Variants in UBE2G2 observed in about 807,000 individuals in gnomAD.
UBE2G2 encodes ubiquitin conjugating enzyme E2 G2, also known as ubiquitin-conjugating enzyme E2 G2.
Under a neutral mutation model 23.0 loss-of-function variants are expected in UBE2G2, and 10 were observed. The ratio of observed to expected loss-of-function variants is 0.43; its 90% confidence interval spans 0.27 to 0.74. UBE2G2 has a LOEUF of 0.74. Among genes scored for constraint, UBE2G2 ranks in the 30% least tolerant of loss-of-function variants. UBE2G2 has a pLI of 0.19. For missense variants in UBE2G2, 150 were observed against 218.3 expected, an observed-to-expected ratio of 0.69 and a Z score of 1.97; for synonymous variants, 86 against 81.3, an observed-to-expected ratio of 1.06 and a Z score of -0.31.
At chr21:44,800,487 T>C (rs1264480531) in intron 1 of UBE2G2, 7 of 152,248 alleles carry the variant, frequency 4.6e-5, no homozygotes, top group African/African-American at 9.6e-5. Context: ...TAAGTAACCT[T>C]GAGATGATTT....
intron 3 of UBE2G2, among the ~76,000 whole-genome samples, chr21:44,779,843 T>C (rs1235693050): frequency 2.0e-5 from 3 of 152,156 alleles, no homozygotes; most frequent in African/African-American, 7.2e-5. Flanking sequence ...TAGATCAATT[T>C]AGTATTAGAG....
rs146218752 is a variant in UBE2G2 at position 44,788,244 on chromosome 21, T to A, written c.44-149A>T. 2.5e-4 allele frequency: 172 copies of A among 688,164 alleles called. No homozygotes were observed. The East Asian group carries it at 4.7e-3, about 19-fold the overall frequency. 42.6% of individuals were successfully genotyped at this position (688,164 alleles called of 1,614,324 possible). On this transcript the variant is annotated intron_variant, in intron 1 of 5. Transcript: ENST00000345496. Reference sequence around the variant, plus strand: ...ATTCTGTTTGCCCAAAGTGAATACCTAGTACAATAACGGTTCTGATAACAA... The same window carrying A: ...ATTCTGTTTGCCCAAAGTGAATACCAAGTACAATAACGGTTCTGATAACAA...
At chr21:44,801,681 T>G (rs781954158) in intron 1 of UBE2G2, 25 bp downstream of exon 1, 65 of 1,508,478 alleles carry the variant, frequency 4.3e-5, no homozygotes, top group Non-Finnish European at 4.8e-5. Flanking sequence ...GGGACGCTGC[T>G]GACGGCCCGG....
chr21:44,801,589 G>A, intron 1 of UBE2G2, 117 bp downstream of exon 1: 1 of 1,329,748 alleles, frequency 7.5e-7, no homozygotes, highest in Non-Finnish European at 9.7e-7. Context: ...GGGGGCTCAC[G>A]GTGGAGGCCC....
chr21:44,796,504 T>C (rs1408553580), intron 1 of UBE2G2, among the ~76,000 whole-genome samples: 1 of 152,088 alleles, frequency 6.6e-6, no homozygotes, highest in Non-Finnish European at 1.5e-5. Flanking sequence ...AAACTAGATG[T>C]TAAGATACAC....
chr21:44,797,632 A>G (rs113244469), intron 1 of UBE2G2, among the ~76,000 whole-genome samples: 19,329 of 147,388 alleles, frequency 0.13, 1,412 homozygotes, highest in Middle Eastern at 0.22. Context: ...GGAGAATGGC[A>G]TGAACCCGGG....
Position 44,772,848 on chromosome 21 carries a change from T to C in UBE2G2, c.385+699A>G, listed in dbSNP as rs183905634. Among the ~76,000 whole-genome samples the C allele has an allele frequency of 7.9e-5, 12 of 152,268 alleles. No homozygotes were observed. In the East Asian group the frequency reaches 2.3e-3, roughly 29 times the overall value. ...TCTCTGTTTGTCTTCCATCACACTA[T>C]TGGTTACTGCTGCAAGGATGGCCCT... On this transcript the variant is annotated intron_variant, in intron 5 of 5. Coordinates refer to ENST00000345496, the MANE Select transcript of UBE2G2 (RefSeq NM_003343.6). The surrounding 1 kb of genome is among the most constrained non-coding windows in gnomAD (Gnocchi z 5.4).
intron 1 of UBE2G2, among the ~76,000 whole-genome samples, chr21:44,796,306 G>C (rs1282879118): frequency 6.6e-6 from 1 of 152,098 alleles, no homozygotes; most frequent in Non-Finnish European, 1.5e-5. Context: ...AAATTAGGGG[G>C]CTTGAACAGA....
chr21:44,786,407 C>G (rs1436401162), intron 3 of UBE2G2, among the ~76,000 whole-genome samples: 1 of 152,138 alleles, frequency 6.6e-6, no homozygotes, highest in African/African-American at 2.4e-5. Flanking sequence ...CCTTCAGACA[C>G]CGAAAAAACA....
At chr21:44,791,197 G>A (rs372655286) in intron 1 of UBE2G2, among the ~76,000 whole-genome samples, 17 of 152,104 alleles carry the variant, frequency 1.1e-4, no homozygotes, top group African/African-American at 1.4e-4. Context: ...GCAGCATGAC[G>A]GTGCAATAAA....
intron 3 of UBE2G2, among the ~76,000 whole-genome samples, chr21:44,781,263 G>C (rs782121295): frequency 2.6e-5 from 4 of 152,182 alleles, no homozygotes; most frequent in Non-Finnish European, 4.4e-5. Flanking sequence ...CCACTCTGGG[G>C]GAAGGATAAG....
intron 3 of UBE2G2, 118 bp downstream of exon 3, chr21:44,787,802 T>C (rs1357147949): frequency 1.7e-6 from 2 of 1,148,876 alleles, no homozygotes; most frequent in Non-Finnish European, 2.5e-6. Flanking sequence ...TGGGCATTAC[T>C]GGAGAACTCA....
intron 1 of UBE2G2, chr21:44,800,266 T>G (rs968885349): frequency 2.0e-5 from 3 of 152,200 alleles, no homozygotes; most frequent in Non-Finnish European, 2.9e-5. Flanking sequence ...AGGTGTGCCT[T>G]TATGTTCTGC....
intron 3 of UBE2G2, among the ~76,000 whole-genome samples, chr21:44,781,642 C>G (rs1167564680): frequency 6.6e-6 from 1 of 152,226 alleles, no homozygotes; most frequent in Non-Finnish European, 1.5e-5. Flanking sequence ...TCCTCCAGCA[C>G]TTGGTCTCCA....
intron 4 of UBE2G2, chr21:44,774,503 C>A: frequency 8.4e-6 from 2 of 238,470 alleles, no homozygotes; most frequent in Admixed American, 5.9e-5. Flanking sequence ...ATTTATTTAA[C>A]TCACCTGAGT....
At chr21:44,782,868 A>C (rs1348142963) in intron 3 of UBE2G2, among the ~76,000 whole-genome samples, 1 of 152,254 alleles carries the variant, frequency 6.6e-6, no homozygotes, top group Non-Finnish European at 1.5e-5. Flanking sequence ...AAATCTTTGC[A>C]ACCTTGGGTT....
At chr21:44,791,515 C>A (rs1206706916) in intron 1 of UBE2G2, among the ~76,000 whole-genome samples, 2 of 152,228 alleles carry the variant, frequency 1.3e-5, no homozygotes, top group Non-Finnish European at 2.9e-5. Context: ...CAAGCCTTGG[C>A]AGCTTCCACG....
intron 1 of UBE2G2, among the ~76,000 whole-genome samples, chr21:44,793,302 C>T (rs1219774733): frequency 2.6e-5 from 4 of 152,182 alleles, no homozygotes; most frequent in African/African-American, 4.8e-5. Flanking sequence ...AAGAAGAGCT[C>T]GTACCAAAGA....
At position 44,779,115 on chromosome 21, in the gene UBE2G2, G is replaced by T. The variant is rs561484062; in HGVS notation, c.126-1698C>A. Reference sequence around the variant, plus strand: ...AAAGGAAAAAGACAAAAATCAAAAAGAAACTGAACGAAGAGCTTTAGCTTT... The same window carrying T: ...AAAGGAAAAAGACAAAAATCAAAAATAAACTGAACGAAGAGCTTTAGCTTT... On this transcript the variant is annotated intron_variant, in intron 3 of 5. Transcript: ENST00000345496. 7 of 288,106 alleles carry T rather than the reference G, an allele frequency of 2.4e-5. No individual in the cohort carries two copies. In the East Asian group the frequency reaches 7.8e-4, roughly 32 times the overall value. The allele number at this position is 288,106 out of a possible 1,614,324, so 17.8% of individuals were successfully genotyped here. A position where few individuals can be genotyped will look rare whatever the true frequency, so the allele number is the denominator to read the frequency against.
Sources: gnomAD v4.1 joint callset for allele counts (sites outside exome capture counted in the v4.1 genomes callset) on GRCh38, gnomAD v4.1.1 for gene constraint, Gnocchi (gnomAD v3.1) non-coding constraint, MANE v1.5 for transcripts, NCBI Gene and HGNC (gene_info 2026-07-23, HGNC 2026-07-21) for gene names.